CDC14A: variants seen among roughly 807,000 people sequenced by gnomAD.
The protein encoded by CDC14A is cell division cycle 14A.
A neutral mutation model predicts 74.4 loss-of-function variants in CDC14A; 53 were observed. The ratio of observed to expected loss-of-function variants is 0.71; its 90% CI spans 0.57 to 0.89. The LOEUF (loss-of-function observed/expected upper bound fraction) is 0.89. Among genes scored for constraint, CDC14A ranks in the 40% least tolerant of loss-of-function variants. CDC14A has a pLI of 0.00. For missense variants in CDC14A, 646 were observed against 713.7 expected, an observed-to-expected ratio of 0.91 and a Z score of 1.08; for synonymous variants, 247 against 258.4, an observed-to-expected ratio of 0.96 and a Z score of 0.43.
chr1:100,447,619 T>C lies in CDC14A; in HGVS notation c.519+4623T>C, dbSNP rs556758791. On this transcript the variant is annotated intron_variant, in intron 7 of 15. Transcript: ENST00000336454. The stretch of plus-strand genomic sequence containing the variant: ...CCATTTCAAATCTAGTTCAGAAAAA[T>C]GAAAGTTGACCTTTTGTCCTAGGGA... Among the ~76,000 whole-genome samples, 214 of 152,272 alleles carry C rather than the reference T, an allele frequency of 1.4e-3. 1 individual carries two copies. Among genetic ancestry groups the C allele is most frequent in the African/African-American group, 4.4e-3 (183 of 41,544 alleles).
At chr1:100,456,234 CA>C (rs1426380332) in intron 8 of CDC14A, among the ~76,000 whole-genome samples, 4 of 152,098 alleles carry the variant, frequency 2.6e-5, no homozygotes, top group Non-Finnish European at 5.9e-5. Context: ...AAAATAAAAA[CA>C]AAACTAAAAA....
chr1:100,486,796 A>G (rs1284111281), intron 11 of CDC14A, among the ~76,000 whole-genome samples: 1 of 152,204 alleles, frequency 6.6e-6, no homozygotes, highest in African/African-American at 2.4e-5. Flanking sequence ...GAATGATGGT[A>G]TGGTGAATAT....
intron 3 of CDC14A, among the ~76,000 whole-genome samples, chr1:100,380,049 A>G (rs1295008368): frequency 3.3e-5 from 5 of 152,204 alleles, no homozygotes; most frequent in African/African-American, 9.7e-5. Flanking sequence ...ATCAATATGT[A>G]AAAGCTTTGT....
At chr1:100,431,259 G>A (rs1663638856) in intron 5 of CDC14A, among the ~76,000 whole-genome samples, 1 of 151,410 alleles carries the variant, frequency 6.6e-6, no homozygotes, top group Admixed American at 6.6e-5. Flanking sequence ...ACAAGAAGGT[G>A]CTTTGGTGAT....
intron 4 of CDC14A, among the ~76,000 whole-genome samples, chr1:100,397,410 A>C (rs1658661751): frequency 6.6e-6 from 1 of 152,214 alleles, no homozygotes; most frequent in Non-Finnish European, 1.5e-5. Flanking sequence ...GGATGTTTAG[A>C]TCATTGTAGC....
chr1:100,480,106 A>G lies in CDC14A; in HGVS notation c.978-4186A>G, dbSNP rs568221926. Among the ~76,000 whole-genome samples, 32 of 152,302 alleles carry G rather than the reference A, an allele frequency of 2.1e-4. No individual in the cohort carries two copies. The South Asian group carries it at 6.6e-3, about 32-fold the overall frequency. ...ACCACTATTTCCAGACTGTTTCATC[A>G]TTCCAAACAGAAACTTTGTACCCAT... is the stretch of plus-strand genomic sequence containing the variant. On this transcript the variant is annotated intron_variant, in intron 10 of 15. Coordinates refer to ENST00000336454, the MANE Select transcript of CDC14A (RefSeq NM_003672.4).
intron 3 of CDC14A, among the ~76,000 whole-genome samples, chr1:100,380,691 G>A (rs1237426828): frequency 6.6e-6 from 1 of 152,160 alleles, no homozygotes; most frequent in Non-Finnish European, 1.5e-5. Context: ...GTAAGGTCTT[G>A]GGTACTTTGC....
rs1198763866 is a variant in CDC14A, at chr1:100,462,759, A to T, written c.716A>T (p.Asp239Val). 6.2e-7 allele frequency: 1 copy of T among 1,614,136 alleles called. No homozygotes were observed. Among genetic ancestry groups the T allele is most frequent in the South Asian group, 1.1e-5 (1 of 91,078 alleles). Residue 239 changes from aspartate (D) to valine (V), a missense_variant, in exon 9 of 16, where the codon GAC becomes GTC. Physicochemically the swap from Asp to Val is radical, Grantham distance 152. Coordinates refer to ENST00000336454, the MANE Select transcript of CDC14A (RefSeq NM_003672.4). ...KKIYEAKRFTDAGFEHYDLFF... is the reference protein window; with the variant it reads ...KKIYEAKRFTVAGFEHYDLFF... ...ATTTATGAGGCAAAGCGCTTCACAG[A>T]CGCTGGCTTCGAGCACTATGACCTC... is the stretch of plus-strand genomic sequence containing the variant.
rs1057152949 is a variant in CDC14A, at chr1:100,353,813, C to T, written c.101C>T (p.Thr34Ile). 6.2e-7 allele frequency: 1 copy of T among 1,609,168 alleles called. No individual in the cohort carries two copies. Among genetic ancestry groups the T allele is most frequent in the Non-Finnish European group, 8.5e-7 (1 of 1,176,704 alleles). ...LRNRPKSTVN[T>I]HYFSIDEELV... ...AATAGACCAAAAAGCACAGTAAATA[C>T]CCACTATTTCTCCATCGATGAGGAG... Residue 34 changes from threonine to isoleucine, a missense_variant, in exon 2 of 16, where the codon ACC (threonine) becomes ATC (isoleucine). Transcript: ENST00000336454.
intron 4 of CDC14A, among the ~76,000 whole-genome samples, chr1:100,411,971 C>T (rs1019065303): frequency 6.6e-6 from 1 of 152,116 alleles, no homozygotes; most frequent in Non-Finnish European, 1.5e-5. Flanking sequence ...ACAACACATA[C>T]AAAGGCTTTA....
At chr1:100,354,673 T>C (rs1171970931) in intron 2 of CDC14A, among the ~76,000 whole-genome samples, 1 of 152,138 alleles carries the variant, frequency 6.6e-6, no homozygotes, top group Non-Finnish European at 1.5e-5. Context: ...TTGACTTGGT[T>C]ATGTACTTTT....
chr1:100,419,133 C>T (rs1661932735), intron 4 of CDC14A, among the ~76,000 whole-genome samples: 1 of 152,146 alleles, frequency 6.6e-6, no homozygotes, highest in Non-Finnish European at 1.5e-5. Context: ...TTGTAGTGAG[C>T]TGAGATTGTG....
At chr1:100,506,827 A>G (rs1649276534) in intron 15 of CDC14A, among the ~76,000 whole-genome samples, 1 of 152,168 alleles carries the variant, frequency 6.6e-6, no homozygotes, top group Admixed American at 6.5e-5. Flanking sequence ...TCTTATTTTA[A>G]TCTTGCATCT....
chr1:100,352,003 TGCGC>T (rs370715549), upstream of CDC14A, among the ~76,000 whole-genome samples: 19 of 122,796 alleles, frequency 1.5e-4, no homozygotes, highest in Admixed American at 8.2e-4. Context: ...TGTGTGTGTG[TGCGC>T]GCGCGCGCGC....
intron 15 of CDC14A, among the ~76,000 whole-genome samples, chr1:100,509,043 T>C (rs1346531937): frequency 1.3e-5 from 2 of 152,156 alleles, no homozygotes; most frequent in African/African-American, 2.4e-5. Context: ...TCCAAACTCA[T>C]ATCCCTCCAC....
chr1:100,442,784 A>T (rs1665107438), intron 6 of CDC14A, 150 bp from the exon 7 acceptor site: 2 of 613,128 alleles, frequency 3.3e-6, no homozygotes, highest in Non-Finnish European at 5.7e-6. Flanking sequence ...CCAGTTTTAT[A>T]AAAAGATTTC....
At chr1:100,375,196 C>T (rs190916725) in intron 2 of CDC14A, among the ~76,000 whole-genome samples, 16 of 152,126 alleles carry the variant, frequency 1.1e-4, no homozygotes, top group Non-Finnish European at 1.9e-4. Context: ...ACAAGGAAAC[C>T]GATGTGAGTG....
chr1:100,371,874 C>G (rs551373544), intron 2 of CDC14A, among the ~76,000 whole-genome samples: 5 of 151,996 alleles, frequency 3.3e-5, no homozygotes, highest in African/African-American at 4.8e-5. Context: ...TCCATTAACC[C>G]AAGGATAAGA....
chr1:100,465,829 A>G (rs571162419), intron 9 of CDC14A, among the ~76,000 whole-genome samples: 1 of 152,220 alleles, frequency 6.6e-6, no homozygotes, highest in East Asian at 1.9e-4. Context: ...TCGATGTTCT[A>G]TAGGGCTTTC....
Sources: allele counts gnomAD v4.1 joint callset (sites outside exome capture counted in the v4.1 genomes callset), GRCh38; gene constraint gnomAD v4.1.1; transcripts MANE v1.5; gene names NCBI Gene and HGNC (gene_info 2026-07-23, HGNC 2026-07-21).